Variants in CGNL1 observed in about 807,000 individuals in gnomAD.
CGNL1 encodes the protein cingulin like 1, also known as cingulin-like protein 1.
A neutral mutation model predicts 141.2 loss-of-function variants in CGNL1; 132 were observed. The observed-to-expected ratio is 0.93, with a 90% CI of 0.81 to 1.08. The LOEUF is 1.08. Ranked by LOEUF, CGNL1 falls within the 50% of genes least tolerant of loss-of-function variation. The probability of loss-of-function intolerance (pLI) is 0.00; values close to 1 mark genes in which losing one functional copy is unlikely to be tolerated. For synonymous variants in CGNL1, 690 were observed against 622.1 expected, an observed-to-expected ratio of 1.11 and a Z score of -1.63; for missense variants, 1,870 against 1,588.6, an observed-to-expected ratio of 1.18 and a Z score of -3.01.
At chr15:57,518,586 C>T (rs1595789487) in intron 10 of CGNL1, 89 bp downstream of exon 10, 2 of 868,508 alleles carry the variant, frequency 2.3e-6, no homozygotes, top group East Asian at 2.7e-5. Flanking sequence ...TGTCCTTGGC[C>T]CTCTCTTTCC....
intron 12 of CGNL1, among the ~76,000 whole-genome samples, chr15:57,526,389 A>G (rs967474517): frequency 1.3e-5 from 2 of 152,020 alleles, no homozygotes; most frequent in African/African-American, 2.4e-5. Flanking sequence ...TAACAAGCCA[A>G]GGTCTCTCTG....
At chr15:57,430,985 GT>G (rs1306759199) in intron 1 of CGNL1, among the ~76,000 whole-genome samples, 1 of 152,192 alleles carries the variant, frequency 6.6e-6, no homozygotes, top group Non-Finnish European at 1.5e-5. Flanking sequence ...GCCTCCCAAA[GT>G]GCTGGGATTA....
chr15:57,389,903 C>T (rs1046395960), intron 1 of CGNL1, among the ~76,000 whole-genome samples: 5 of 149,844 alleles, frequency 3.3e-5, no homozygotes, highest in African/African-American at 1.2e-4. Context: ...CAACCTCCCA[C>T]CTCCTGGGTC....
intron 1 of CGNL1, chr15:57,398,278 A>G (rs2062624349): frequency 2.0e-5 from 3 of 152,148 alleles, no homozygotes; most frequent in Admixed American, 1.3e-4. Flanking sequence ...ACATATATGT[A>G]TGCTTTTCTT....
At chr15:57,413,053 G>A (rs1477161942) in intron 1 of CGNL1, among the ~76,000 whole-genome samples, 1 of 151,888 alleles carries the variant, frequency 6.6e-6, no homozygotes, top group Non-Finnish European at 1.5e-5. Flanking sequence ...TAGAGATGGG[G>A]TTTCACCATG....
At chr15:57,415,448 G>A (rs1198599722) in intron 1 of CGNL1, among the ~76,000 whole-genome samples, 1 of 152,164 alleles carries the variant, frequency 6.6e-6, no homozygotes, top group Non-Finnish European at 1.5e-5. Context: ...TGGAGGAAGG[G>A]ACCAAGAGCT....
intron 1 of CGNL1, 41 bp from the exon 2 acceptor site, chr15:57,437,944 C>T: frequency 4.7e-6 from 7 of 1,502,624 alleles, no homozygotes; most frequent in Non-Finnish European, 6.3e-6. Context: ...AGATGTAATT[C>T]TAACCTAATG....
chr15:57,533,841 C>T (rs1417729963), intron 14 of CGNL1, among the ~76,000 whole-genome samples: 1 of 152,184 alleles, frequency 6.6e-6, no homozygotes, highest in African/African-American at 2.4e-5. Context: ...AACTTGATGT[C>T]AGTTTAGGGG....
At chr15:57,468,355 C>T (rs2063537424) in intron 8 of CGNL1, among the ~76,000 whole-genome samples, 1 of 151,094 alleles carries the variant, frequency 6.6e-6, no homozygotes, top group South Asian at 2.1e-4. Context: ...ATCCTCCCAC[C>T]TCAGCCTCCC....
intron 1 of CGNL1, among the ~76,000 whole-genome samples, chr15:57,381,955 GGGTCCCACATCCTA>G: frequency 6.6e-6 from 1 of 152,264 alleles, no homozygotes; most frequent in South Asian, 2.1e-4. Context: ...GTCTCTGAAC[GGGTCCCACATCCTA>G]GGTTAGAGAG....
intron 14 of CGNL1, among the ~76,000 whole-genome samples, chr15:57,539,874 A>G (rs1408011639): frequency 1.3e-5 from 2 of 152,198 alleles, no homozygotes; most frequent in Non-Finnish European, 2.9e-5. Context: ...CCCCACATGC[A>G]TCACCAGGAG....
chr15:57,531,915 C>T, intron 14 of CGNL1, 136 bp downstream of exon 14: 1 of 620,006 alleles, frequency 1.6e-6, no homozygotes. Flanking sequence ...ATTGAATAGT[C>T]ATCACCATAG....
chr15:57,527,746 T>C (rs2031703280), intron 12 of CGNL1: 1 of 152,266 alleles, frequency 6.6e-6, no homozygotes, highest in Non-Finnish European at 1.5e-5. Flanking sequence ...CATGTTCTTC[T>C]ACAAAGCAGT....
chr15:57,439,920 TAC>T (rs1458527949), intron 2 of CGNL1, among the ~76,000 whole-genome samples: 1 of 152,210 alleles, frequency 6.6e-6, no homozygotes, highest in Admixed American at 6.5e-5. Flanking sequence ...AATTTGTTTC[TAC>T]ACAGAGGCTG....
Position 57,541,961 on chromosome 15 carries a change from C to T in CGNL1, c.3292-1735C>T, listed in dbSNP as rs555867677. On this transcript the variant is annotated intron_variant, in intron 14 of 18. Transcript: ENST00000281282. ...TGTGGTGTTGGAGGCCTTTGTGTCC[C>T]AACCCTGCCTGTCCCACCAGCATCA... Among the ~76,000 whole-genome samples, 34 of 152,320 alleles carry T rather than the reference C, an allele frequency of 2.2e-4. 1 individual carries two copies. Among genetic ancestry groups the T allele is most frequent in the African/African-American group, 7.2e-4 (30 of 41,578 alleles).
At chr15:57,488,572 A>G (rs964667599) in intron 8 of CGNL1, among the ~76,000 whole-genome samples, 1 of 152,140 alleles carries the variant, frequency 6.6e-6, no homozygotes. Context: ...AGACTTAGCC[A>G]TGTCATCCTT....
At chr15:57,440,082 T>TA (rs1323049546) in intron 2 of CGNL1, among the ~76,000 whole-genome samples, 2 of 122,906 alleles carry the variant, frequency 1.6e-5, no homozygotes, top group Admixed American at 1.7e-4. Context: ...ATAGTAACAA[T>TA]AAAAAATAAT....
rs2063960564 is a variant in CGNL1 at position 57,497,706 on chromosome 15, C to G, written c.2404-19074C>G. ...GGTGGGCCAGGCAGAGGGGCAGGCCCTGCGGAATCTGGAAATGGTGGCTTC... is the reference window on the plus strand; with the variant it reads ...GGTGGGCCAGGCAGAGGGGCAGGCCGTGCGGAATCTGGAAATGGTGGCTTC... On this transcript the variant is annotated intron_variant, in intron 8 of 18. Coordinates refer to ENST00000281282, the MANE Select transcript of CGNL1 (RefSeq NM_032866.5). Among the ~76,000 whole-genome samples, 3 of 152,226 alleles carry G rather than the reference C, an allele frequency of 2.0e-5. No individual in the cohort carries two copies. The South Asian group carries it at 6.2e-4, about 32-fold the overall frequency.
At chr15:57,506,991 T>C (rs60973024) in intron 8 of CGNL1, among the ~76,000 whole-genome samples, 4,234 of 152,312 alleles carry the variant, frequency 0.028, 185 homozygotes, top group African/African-American at 0.097. Context: ...TCAGTGGTTT[T>C]TTATATATTC....
Sources: allele counts gnomAD v4.1 joint callset (sites outside exome capture counted in the v4.1 genomes callset), GRCh38; gene constraint gnomAD v4.1.1; transcripts MANE v1.5; gene names NCBI Gene and HGNC (gene_info 2026-07-23, HGNC 2026-07-21).